MAP3K2: variants seen among roughly 807,000 people sequenced by gnomAD.
MAP3K2 encodes MAP/ERK kinase kinase 2.
Under a neutral mutation model 80.3 loss-of-function variants are expected in MAP3K2, and 24 were observed. That is an observed-to-expected ratio of 0.30 (90% CI 0.22 to 0.42). The LOEUF is 0.42. Ranked by LOEUF, MAP3K2 falls within the 10% of genes least tolerant of loss-of-function variation. The pLI, the probability that MAP3K2 is intolerant of heterozygous loss-of-function variation, is 1.00. For synonymous variants in MAP3K2, 244 were observed against 253.7 expected, an observed-to-expected ratio of 0.96 and a Z score of 0.36; for missense variants, 608 against 750.1, an observed-to-expected ratio of 0.81 and a Z score of 2.21.
chr2:127,324,958 G>A (rs910163920), intron 9 of MAP3K2, among the ~76,000 whole-genome samples: 8 of 152,148 alleles, frequency 5.3e-5, no homozygotes, highest in Non-Finnish European at 8.8e-5. Context: ...ATGTACCAAT[G>A]TGACACAGTG....
intron 1 of MAP3K2, among the ~76,000 whole-genome samples, chr2:127,373,064 A>C (rs1267788162): frequency 1.3e-5 from 2 of 152,242 alleles, no homozygotes; most frequent in Non-Finnish European, 2.9e-5. Context: ...ATTTGCATTT[A>C]CAATACCAGC....
intron 12 of MAP3K2, among the ~76,000 whole-genome samples, chr2:127,319,907 C>T (rs1052688557): frequency 4.0e-5 from 6 of 150,268 alleles, no homozygotes; most frequent in Admixed American, 1.3e-4. Flanking sequence ...GAAACCAGCA[C>T]AAGGTAATTA....
intron 1 of MAP3K2, among the ~76,000 whole-genome samples, chr2:127,363,634 T>C (rs2104876268): frequency 6.6e-6 from 1 of 152,342 alleles, no homozygotes; most frequent in South Asian, 2.1e-4. Flanking sequence ...ATCCTCTTCA[T>C]TCCATGCTTT....
intron 1 of MAP3K2, among the ~76,000 whole-genome samples, chr2:127,352,164 A>C (rs2104860771): frequency 6.6e-6 from 1 of 152,240 alleles, no homozygotes; most frequent in East Asian, 1.9e-4. Flanking sequence ...GCCGTGAGCC[A>C]CCATGCCTGG....
chr2:127,348,134 T>A (rs967082272), intron 1 of MAP3K2, among the ~76,000 whole-genome samples: 12 of 152,270 alleles, frequency 7.9e-5, no homozygotes, highest in African/African-American at 2.9e-4. Flanking sequence ...ACATCTGTAA[T>A]CCCAGCACTT....
intron 1 of MAP3K2, among the ~76,000 whole-genome samples, chr2:127,378,836 T>A (rs377000020): frequency 3.4e-4 from 52 of 152,250 alleles, no homozygotes; most frequent in South Asian, 6.2e-4. Flanking sequence ...GCATGATCAC[T>A]CCTCACTGTA....
intron 1 of MAP3K2, among the ~76,000 whole-genome samples, chr2:127,385,236 T>C (rs967936171): frequency 6.6e-6 from 1 of 151,938 alleles, no homozygotes; most frequent in African/African-American, 2.4e-5. Flanking sequence ...CTTTAAGAAA[T>C]TGCCTCAGCC....
In MAP3K2 at chr2:127,319,673, A is replaced by AAG. The variant is rs1473493403; in HGVS notation, c.1046-1357_1046-1356insCT. 2.1e-3 allele frequency among the ~76,000 whole-genome samples: 301 copies of AAG among 142,482 alleles called. 1 individual carries two copies. The highest frequency in any genetic ancestry group is 7.6e-3 in the African/African-American group (286 of 37,464). The allele number at this position is 142,482 out of a possible 152,430, so 93.5% of individuals were successfully genotyped here. ...TACAAAAAAAAAAAAAAAAAAAAAAAAAAAAGAAAAAGAAAAATAGCCAGG... is the reference window on the plus strand; with the variant it reads ...TACAAAAAAAAAAAAAAAAAAAAAAAAGAAAAAGAAAAAGAAAAATAGCCAGG... On this transcript the variant is annotated intron_variant, in intron 12 of 16. Coordinates refer to ENST00000682094, the MANE Select transcript of MAP3K2 (RefSeq NM_001371910.2).
chr2:127,387,999 C>G (rs1190806872), upstream of MAP3K2: 1 of 983,700 alleles, frequency 1.0e-6, no homozygotes, highest in Non-Finnish European at 1.2e-6. Flanking sequence ...CGGCGCACGT[C>G]ACGGCCGCTC....
At chr2:127,382,693 T>C (rs995225646) in intron 1 of MAP3K2, among the ~76,000 whole-genome samples, 3 of 152,174 alleles carry the variant, frequency 2.0e-5, no homozygotes, top group Non-Finnish European at 4.4e-5. Flanking sequence ...GTCCCACTAA[T>C]TTTTGTATTT....
intron 14 of MAP3K2, among the ~76,000 whole-genome samples, chr2:127,315,445 C>T (rs1039635962): frequency 6.6e-6 from 1 of 152,138 alleles, no homozygotes; most frequent in African/African-American, 2.4e-5. Flanking sequence ...AAAGTAAATC[C>T]TTGGATTTTA....
At chr2:127,378,858 C>CT (rs1357951040) in intron 1 of MAP3K2, among the ~76,000 whole-genome samples, 1 of 152,144 alleles carries the variant, frequency 6.6e-6, no homozygotes, top group African/African-American at 2.4e-5. Flanking sequence ...CCTGGACCTC[C>CT]TGGGCTCAAG....
At chr2:127,313,253 G>GC (rs1245763966) in intron 15 of MAP3K2, among the ~76,000 whole-genome samples, 13 of 152,116 alleles carry the variant, frequency 8.5e-5, no homozygotes, top group Non-Finnish European at 1.8e-4. Context: ...CCTTTGCCTT[G>GC]CCTCATTATG....
At chr2:127,313,583 A>G (rs1406211302) in intron 15 of MAP3K2, among the ~76,000 whole-genome samples, 1 of 152,234 alleles carries the variant, frequency 6.6e-6, no homozygotes, top group African/African-American at 2.4e-5. Flanking sequence ...AGTCCCCAGC[A>G]AGACCAATGA....
chr2:127,341,021 G>A (rs1286832706), intron 2 of MAP3K2, among the ~76,000 whole-genome samples: 4 of 151,904 alleles, frequency 2.6e-5, no homozygotes, highest in Admixed American at 6.6e-5. Flanking sequence ...ATGGATTCTC[G>A]CTCTATTGCC....
chr2:127,369,128 T>A (rs969911106), intron 1 of MAP3K2, among the ~76,000 whole-genome samples: 1 of 151,140 alleles, frequency 6.6e-6, no homozygotes, highest in African/African-American at 2.4e-5. Context: ...TTTTTTGCAT[T>A]TTTAGTAAAG....
At chr2:127,312,415 G>A (rs1018352874) in intron 15 of MAP3K2, among the ~76,000 whole-genome samples, 3 of 152,048 alleles carry the variant, frequency 2.0e-5, no homozygotes, top group African/African-American at 2.4e-5. Context: ...TTTCTCTTAC[G>A]ATTTAAAAGT....
rs1036932491 is a variant in MAP3K2, at chr2:127,299,220, A to C, written c.*8359T>G. 1.3e-5 allele frequency: 2 copies of C among 152,272 alleles called. No homozygotes were observed. The highest frequency in any genetic ancestry group is 4.8e-5 in the African/African-American group (2 of 41,546). 9.4% of individuals were successfully genotyped at this position (152,272 alleles called of 1,614,324 possible). A position where few individuals can be genotyped will look rare whatever the true frequency, so the allele number is the denominator to read the frequency against. ...AATTTTACATGGTACCGCATATTTAAAACAAAGTTTTCTTTAATACTACAT... is the reference window on the plus strand; with the variant it reads ...AATTTTACATGGTACCGCATATTTACAACAAAGTTTTCTTTAATACTACAT... On this transcript the variant is annotated 3_prime_UTR_variant, in exon 17 of 17. Coordinates refer to ENST00000682094, the MANE Select transcript of MAP3K2 (RefSeq NM_001371910.2).
At chr2:127,360,239 T>C (rs940477302) in intron 1 of MAP3K2, among the ~76,000 whole-genome samples, 1 of 152,172 alleles carries the variant, frequency 6.6e-6, no homozygotes, top group Non-Finnish European at 1.5e-5. Flanking sequence ...ATCTCAATTA[T>C]GCTGAGTGAA....
Sources: gnomAD v4.1 joint callset for allele counts (sites outside exome capture counted in the v4.1 genomes callset) on GRCh38, gnomAD v4.1.1 for gene constraint, MANE v1.5 for transcripts, NCBI Gene and HGNC (gene_info 2026-07-23, HGNC 2026-07-21) for gene names.